SPIRE2: variants seen among roughly 807,000 people sequenced by gnomAD.
SPIRE2 encodes spire type actin nucleation factor 2.
A neutral mutation model predicts 80.7 loss-of-function variants in SPIRE2; 76 were observed. That is an observed-to-expected ratio of 0.94 (90% CI 0.78 to 1.14). The LOEUF is 1.14. Ranked by LOEUF, SPIRE2 falls within the 50% of genes most tolerant of loss-of-function variation. The pLI, the probability that SPIRE2 is intolerant of heterozygous loss-of-function variation, is 0.00. For synonymous variants in SPIRE2, 535 were observed against 432.6 expected (o/e 1.24, Z -2.94); for missense variants, 1,196 against 1,015.3 (o/e 1.18, Z -2.42).
rs1448333160 is a variant in SPIRE2, at chr16:89,828,564, G to T, written c.14G>T (p.Gly5Val). Residue 5 changes from glycine (G) to valine (V), a missense_variant, in exon 1 of 15, where the codon GGC becomes GTC. Physicochemically the swap from Gly to Val is moderately radical, Grantham distance 109 (BLOSUM62 -3). Transcript: ENST00000378247. The surrounding 1 kb of genome is among the most constrained non-coding windows in gnomAD (Gnocchi z 5.9). ...GACGGCCCCGCCATGGCCCGGGCGGGCAGCTGCGGCGGCGCCGCGGCGGGC... is the reference window on the plus strand; with the variant it reads ...GACGGCCCCGCCATGGCCCGGGCGGTCAGCTGCGGCGGCGCCGCGGCGGGC... Reference protein sequence around the residue: MARAGSCGGAAAGAG... With the variant: MARAVSCGGAAAGAG... 6.1e-6 allele frequency: 7 copies of T among 1,141,668 alleles called. No individual in the cohort carries two copies. The highest frequency in any genetic ancestry group is 7.5e-6 in the Non-Finnish European group (7 of 934,276). 70.7% of individuals were successfully genotyped at this position (1,141,668 alleles called of 1,614,324 possible).
intron 8 of SPIRE2, 62 bp downstream of exon 8, chr16:89,858,569 T>C: frequency 1.4e-6 from 2 of 1,456,770 alleles, no homozygotes; most frequent in Non-Finnish European, 1.8e-6. Context: ...GCCAAGGAAG[T>C]GAGAAGGGCT....
chr16:89,852,731 C>T (rs1390236443), intron 3 of SPIRE2, among the ~76,000 whole-genome samples: 2 of 84,664 alleles, frequency 2.4e-5, no homozygotes, highest in Non-Finnish European at 4.9e-5. Flanking sequence ...CCTCTCACCC[C>T]CCGGATCCCA....
chr16:89,832,328 G>A (rs1048959728), intron 1 of SPIRE2, among the ~76,000 whole-genome samples: 2 of 152,264 alleles, frequency 1.3e-5, no homozygotes, highest in South Asian at 2.1e-4. Context: ...GGACTGTCTG[G>A]TGAGCTTGCC....
intron 2 of SPIRE2, chr16:89,845,615 TC>T (rs2041551529): frequency 1.4e-6 from 1 of 702,174 alleles, no homozygotes; most frequent in Non-Finnish European, 2.6e-6. Context: ...TGGTGTTACT[TC>T]CTTCCACAGC....
intron 10 of SPIRE2, chr16:89,862,249 C>T (rs2041751691): frequency 6.6e-6 from 1 of 152,234 alleles, no homozygotes; most frequent in Non-Finnish European, 1.5e-5. Flanking sequence ...ATCATCCGCC[C>T]TCTTCGGCCT....
At chr16:89,851,124 C>G (rs1472096730) in intron 3 of SPIRE2, among the ~76,000 whole-genome samples, 1 of 152,296 alleles carries the variant, frequency 6.6e-6, no homozygotes. Flanking sequence ...CCTGGCCTCA[C>G]ACTTTCTTCT....
chr16:89,842,790 C>A (rs529407946), intron 1 of SPIRE2, among the ~76,000 whole-genome samples: 1 of 152,352 alleles, frequency 6.6e-6, no homozygotes, highest in African/African-American at 2.4e-5. Context: ...GTGCTGAACG[C>A]CCAGCGCGGG....
chr16:89,847,559 G>A lies in SPIRE2; in HGVS notation c.288+2194G>A, dbSNP rs76735555. Among the ~76,000 whole-genome samples, 336 of 152,302 alleles carry A rather than the reference G, an allele frequency of 2.2e-3. 1 individual carries two copies. The highest frequency in any genetic ancestry group is 7.4e-3 in the African/African-American group (307 of 41,574). On this transcript the variant is annotated intron_variant, in intron 2 of 14. Transcript: ENST00000378247. The stretch of plus-strand genomic sequence containing the variant: ...AGCCTGGACTGTTTGTCTCAGAGGC[G>A]CATACGTTAACCTGATCGCCCTGTC...
At chr16:89,836,123 C>T (rs2041446646) in intron 1 of SPIRE2, 1 of 445,866 alleles carries the variant, frequency 2.2e-6, no homozygotes. Context: ...TGTAGTGAGT[C>T]GAGATTGCGC....
intron 1 of SPIRE2, among the ~76,000 whole-genome samples, chr16:89,830,254 C>T (rs566651139): frequency 1.3e-5 from 2 of 151,358 alleles, no homozygotes; most frequent in Admixed American, 6.6e-5. Context: ...CTCACAGCCC[C>T]GGCAGCAGTT....
At chr16:89,840,335 C>T (rs2041492119) in intron 1 of SPIRE2, among the ~76,000 whole-genome samples, 1 of 150,998 alleles carries the variant, frequency 6.6e-6, no homozygotes, top group Non-Finnish European at 1.5e-5. Flanking sequence ...CTGCAAGCTC[C>T]ACCTCCCGGG....
rs2041721440 is a variant in SPIRE2, at chr16:89,859,285, G to A, written c.1393G>A (p.Gly465Arg). 1.2e-6 allele frequency: 2 copies of A among 1,603,492 alleles called. No homozygotes were observed. Among genetic ancestry groups the A allele is most frequent in the Non-Finnish European group, 1.7e-6 (2 of 1,178,406 alleles). ...CCTGCAGTCGGCCACCCACCCCCCA[G>A]GAGGGACGGAGCCACCACGGCCCCG... is the stretch of plus-strand genomic sequence containing the variant. ...SGLQSATHPP[G>R]GTEPPRPRAG... Residue 465 changes from glycine to arginine, a missense_variant, in exon 9 of 15, where the codon GGA becomes AGA. Transcript: ENST00000378247.
In SPIRE2 at chr16:89,863,215, G is replaced by C. The variant is rs538480768; in HGVS notation, c.1576-261G>C. ...CACCTTGAACAGACATGGGCTGAGG[G>C]GAGTTTGTGTGGAGCGTGGCCAGTG... On this transcript the variant is annotated intron_variant, in intron 10 of 14. Coordinates refer to ENST00000378247, the MANE Select transcript of SPIRE2 (RefSeq NM_032451.2). This position sits in a 1 kb window ranked among gnomAD's most constrained non-coding sequence, Gnocchi z 4.3. 3.7e-6 allele frequency: 2 copies of C among 535,040 alleles called. No homozygotes were observed. The allele number at this position is 535,040 out of a possible 1,614,324, so 33.1% of individuals were successfully genotyped here. A position where few individuals can be genotyped will look rare whatever the true frequency, so the allele number is the denominator to read the frequency against.
chr16:89,858,164 C>T (rs1021975565), intron 7 of SPIRE2, among the ~76,000 whole-genome samples, 174 bp from the exon 8 acceptor site: 3 of 152,182 alleles, frequency 2.0e-5, no homozygotes, highest in Admixed American at 6.5e-5. Context: ...GGATTACAGG[C>T]GTGAGCCACC....
chr16:89,849,786 G>A lies in SPIRE2; in HGVS notation c.289-518G>A, dbSNP rs143504598. 54 of 268,588 alleles carry A rather than the reference G, an allele frequency of 2.0e-4. No individual in the cohort carries two copies. In the East Asian group the frequency reaches 6.2e-3, roughly 31 times the overall value. The allele number at this position is 268,588 out of a possible 1,614,324, so 16.6% of individuals were successfully genotyped here. A position where few individuals can be genotyped will look rare whatever the true frequency, so the allele number is the denominator to read the frequency against. On this transcript the variant is annotated intron_variant, in intron 2 of 14. Coordinates refer to ENST00000378247, the MANE Select transcript of SPIRE2 (RefSeq NM_032451.2). ...GTCAAGTAAAATCGAGAAATGCTGAGTTAAGAGGTCGCTACTGTGAAGCTT... is the reference window on the plus strand; with the variant it reads ...GTCAAGTAAAATCGAGAAATGCTGAATTAAGAGGTCGCTACTGTGAAGCTT...
chr16:89,844,037 C>A (rs1468896082), intron 1 of SPIRE2, among the ~76,000 whole-genome samples: 2 of 151,018 alleles, frequency 1.3e-5, no homozygotes, highest in African/African-American at 4.9e-5. Flanking sequence ...ACTCTGTCGC[C>A]CAGGCTGGTG....
At chr16:89,858,991 A>C (rs2041718024) in intron 8 of SPIRE2, among the ~76,000 whole-genome samples, 174 bp from the exon 9 acceptor site, 1 of 152,036 alleles carries the variant, frequency 6.6e-6, no homozygotes, top group Non-Finnish European at 1.5e-5. Context: ...GGGCTTGGTT[A>C]CTCGGGTGCT....
At chr16:89,857,110 T>C (rs987448431) in intron 7 of SPIRE2, among the ~76,000 whole-genome samples, 1 of 149,632 alleles carries the variant, frequency 6.7e-6, no homozygotes, top group Non-Finnish European at 1.5e-5. Context: ...TTAAAAACTT[T>C]ACAAGGCCAT....
rs755920367 is a variant in SPIRE2 at position 89,845,579 on chromosome 16, T to G, written c.288+214T>G. 2.0e-5 allele frequency: 14 copies of G among 704,294 alleles called. No homozygotes were observed. In the Admixed American group the frequency reaches 2.6e-4, roughly 13 times the overall value. The allele number at this position is 704,294 out of a possible 1,614,324, so 43.6% of individuals were successfully genotyped here. ...ACCGCCGGGGTGGGGAGGGTCCCCG[T>G]GGTGCTTCCGGCCTGGAGGAGGCAG... On this transcript the variant is annotated intron_variant, in intron 2 of 14. Coordinates refer to ENST00000378247, the MANE Select transcript of SPIRE2 (RefSeq NM_032451.2).
Sources: gnomAD v4.1 joint callset for allele counts (sites outside exome capture counted in the v4.1 genomes callset) on GRCh38, gnomAD v4.1.1 for gene constraint, Gnocchi (gnomAD v3.1) non-coding constraint, MANE v1.5 for transcripts, NCBI Gene and HGNC (gene_info 2026-07-23, HGNC 2026-07-21) for gene names.